The following ANO6 variants were observed in gnomAD, a reference collection of about 807,000 sequenced individuals.
ANO6 encodes anoctamin 6.
In ANO6, 106 loss-of-function variants were observed where a neutral mutation model predicts 117.5. The observed-to-expected ratio is 0.90, with a 90% CI of 0.77 to 1.06. The LOEUF (loss-of-function observed/expected upper bound fraction) is 1.06, where lower values mean the gene tolerates loss of function less well. Among genes scored for constraint, ANO6 ranks in the 50% least tolerant of loss-of-function variants. ANO6 has a pLI of 0.00. For missense variants in ANO6, 955 were observed against 1,121.1 expected (o/e 0.85, Z 2.12); for synonymous variants, 367 against 385.1 (o/e 0.95, Z 0.55).
Position 45,421,094 on chromosome 12 carries a change from G to A in ANO6, c.2241G>A (p.Ser747=), listed in dbSNP as rs775982074. 55 of 1,614,010 alleles carry A rather than the reference G, an allele frequency of 3.4e-5. 1 individual carries two copies. The East Asian group carries it at 4.2e-4, about 12-fold the overall frequency. ...AGGCCATGATCATAGCTTTCACGTC[G>A]GACATGATCCCCCGCCTAGTGTACT... is the stretch of plus-strand genomic sequence containing the variant. ...VTNAMIIAFT[S]DMIPRLVYYW... is the part of the protein sequence containing the mutation. The change falls in exon 18 of 20, where the codon TCG becomes TCA. Residue 747 remains serine (S), a synonymous_variant. Transcript: ENST00000320560.
chr12:45,372,493 T>G (rs1198426739), intron 9 of ANO6, among the ~76,000 whole-genome samples: 2 of 141,920 alleles, frequency 1.4e-5, no homozygotes, highest in Non-Finnish European at 3.0e-5. Flanking sequence ...GGGAAGCCCA[T>G]CAGACTAACA....
chr12:45,308,559 G>A (rs1939751815), intron 2 of ANO6, among the ~76,000 whole-genome samples: 1 of 152,082 alleles, frequency 6.6e-6, no homozygotes, highest in African/African-American at 2.4e-5. Flanking sequence ...AGCAATGAGA[G>A]CCTACTCAAT....
intron 1 of ANO6, among the ~76,000 whole-genome samples, chr12:45,258,726 A>T (rs1330937575): frequency 7.9e-5 from 12 of 152,208 alleles, no homozygotes; most frequent in African/African-American, 2.7e-4. Context: ...TTTTGCTTAA[A>T]AATCACTCAT....
downstream of ANO6, among the ~76,000 whole-genome samples, chr12:45,435,334 A>T (rs1252845709): frequency 3.3e-5 from 5 of 152,246 alleles, no homozygotes; most frequent in Admixed American, 3.3e-4. Context: ...ATAGTAAAAG[A>T]GAGAGCACAC....
chr12:45,428,439 C>T (rs1441898241), intron 19 of ANO6, among the ~76,000 whole-genome samples: 1 of 152,066 alleles, frequency 6.6e-6, no homozygotes, highest in Admixed American at 6.5e-5. Flanking sequence ...ATAGCGAGAC[C>T]CTGTTTCTAC....
At chr12:45,396,556 G>A (rs1942620156) in intron 12 of ANO6, among the ~76,000 whole-genome samples, 1 of 152,176 alleles carries the variant, frequency 6.6e-6, no homozygotes, top group Admixed American at 6.5e-5. Flanking sequence ...AAAAAAGCTG[G>A]ATGCATCACG....
rs1941992659 is a variant in ANO6, at chr12:45,375,724, A to G, written c.1105-2329A>G. On this transcript the variant is annotated intron_variant, in intron 9 of 19. Coordinates refer to ENST00000320560, the MANE Select transcript of ANO6 (RefSeq NM_001025356.3). ...TCAATTCAAGATGGATTAAAGACTT[A>G]AACGTTAGACCTAAAACCATAAAAA... Among the ~76,000 whole-genome samples, 9 of 151,922 alleles carry G rather than the reference A, an allele frequency of 5.9e-5. No homozygotes were observed. In the South Asian group the frequency reaches 1.9e-3, roughly 32 times the overall value.
chr12:45,225,251 A>G lies in ANO6; in HGVS notation c.70+8860A>G, dbSNP rs151177769. 1.1e-4 allele frequency among the ~76,000 whole-genome samples: 17 copies of G among 151,314 alleles called. No homozygotes were observed. In the East Asian group the frequency reaches 2.9e-3, roughly 26 times the overall value. ...AGGATGATATTGATCTCTTAGTGAT[A>G]TCTGTAGCAGATGATTAAAATGATT... On this transcript the variant is annotated intron_variant, in intron 1 of 19. Coordinates refer to ENST00000320560, the MANE Select transcript of ANO6 (RefSeq NM_001025356.3).
At position 45,348,030 on chromosome 12, in the gene ANO6, A is replaced by T; in HGVS notation, c.348A>T (p.Val116=). The change falls in exon 5 of 20, where the codon GTA becomes GTT. Residue 116 remains valine (V), a splice_region_variant and synonymous_variant. Coordinates refer to ENST00000320560, the MANE Select transcript of ANO6 (RefSeq NM_001025356.3). ...HGLQLEATRS[V]LDDKLVFVKV... Reference sequence around the variant, plus strand: ...GCGTTTTTATTTTTCCAATATAGGTATTGGATGACAAGCTTGTATTTGTAA... The same window carrying T: ...GCGTTTTTATTTTTCCAATATAGGTTTTGGATGACAAGCTTGTATTTGTAA... 1 of 1,613,498 alleles carries T rather than the reference A, an allele frequency of 6.2e-7. No homozygotes were observed. The highest frequency in any genetic ancestry group is 8.5e-7 in the Non-Finnish European group (1 of 1,179,730).
At chr12:45,257,105 T>G (rs1469783041) in intron 1 of ANO6, among the ~76,000 whole-genome samples, 3 of 152,190 alleles carry the variant, frequency 2.0e-5, no homozygotes, top group African/African-American at 2.4e-5. Flanking sequence ...AGGATTGGGT[T>G]ATTATAACTT....
intron 12 of ANO6, among the ~76,000 whole-genome samples, chr12:45,398,183 G>T (rs1942680073): frequency 6.6e-6 from 1 of 152,150 alleles, no homozygotes; most frequent in Admixed American, 6.5e-5. Flanking sequence ...TTAATACGTG[G>T]AGTCCAGATC....
At chr12:45,305,090 A>G (rs1454182856) in intron 2 of ANO6, among the ~76,000 whole-genome samples, 1 of 152,198 alleles carries the variant, frequency 6.6e-6, no homozygotes, top group Non-Finnish European at 1.5e-5. Flanking sequence ...TAAACTATGC[A>G]AAAATGGTAA....
chr12:45,428,891 A>C (rs1440347266), intron 19 of ANO6, among the ~76,000 whole-genome samples: 1 of 152,128 alleles, frequency 6.6e-6, no homozygotes, highest in Non-Finnish European at 1.5e-5. Context: ...ATACTTTTCT[A>C]CATATCACAT....
chr12:45,396,366 T>C (rs1942613306), intron 12 of ANO6, among the ~76,000 whole-genome samples: 1 of 152,176 alleles, frequency 6.6e-6, no homozygotes. Flanking sequence ...TGGAAGAATA[T>C]TCCACACTCA....
At chr12:45,380,519 G>C (rs1481963089) in intron 10 of ANO6, among the ~76,000 whole-genome samples, 1 of 152,194 alleles carries the variant, frequency 6.6e-6, no homozygotes, top group African/African-American at 2.4e-5. Flanking sequence ...GCTTCTGCTA[G>C]GTCCACACCA....
At chr12:45,363,414 C>T (rs942363561) in intron 8 of ANO6, among the ~76,000 whole-genome samples, 13 of 151,868 alleles carry the variant, frequency 8.6e-5, no homozygotes, top group African/African-American at 3.1e-4. Context: ...AATACAGAAA[C>T]TTAGCCGGGC....
At chr12:45,302,284 A>G (rs1284598811) in intron 2 of ANO6, among the ~76,000 whole-genome samples, 191 bp downstream of exon 2, 1 of 152,206 alleles carries the variant, frequency 6.6e-6, no homozygotes, top group Admixed American at 6.5e-5. Context: ...TTGTGTAAGC[A>G]TCATGGTCTA....
At chr12:45,240,258 A>T (rs150633974) in intron 1 of ANO6, among the ~76,000 whole-genome samples, 1 of 147,136 alleles carries the variant, frequency 6.8e-6, no homozygotes, top group Non-Finnish European at 1.5e-5. Flanking sequence ...TGTTGAATTG[A>T]TCCCTTTACC....
At chr12:45,402,759 A>G (rs1252979082) in intron 13 of ANO6, among the ~76,000 whole-genome samples, 3 of 152,236 alleles carry the variant, frequency 2.0e-5, no homozygotes, top group African/African-American at 7.2e-5. Flanking sequence ...ATTTTCTGTC[A>G]ATTATACCCA....
Sources: gnomAD v4.1 joint callset for allele counts (sites outside exome capture counted in the v4.1 genomes callset) on GRCh38, gnomAD v4.1.1 for gene constraint, MANE v1.5 for transcripts, NCBI Gene and HGNC (gene_info 2026-07-23, HGNC 2026-07-21) for gene names.